DERA: variants seen among roughly 807,000 people sequenced by gnomAD.
DERA encodes 2-deoxy-D-ribose 5-phosphate aldolase.
DERA carries 15 observed loss-of-function variants against 41.1 expected under a neutral mutation model. The observed-to-expected ratio is 0.37, with a 90% confidence interval of 0.24 to 0.56. DERA has a LOEUF of 0.56. Ranked by LOEUF, DERA falls within the 20% of genes least tolerant of loss-of-function variation. DERA has a pLI of 0.81. For missense variants in DERA, 396 were observed against 403.4 expected (o/e 0.98, Z 0.16); for synonymous variants, 139 against 137.4 (o/e 1.01, Z -0.08).
intron 1 of DERA, among the ~76,000 whole-genome samples, chr12:15,912,191 T>TTTGTGTC: frequency 6.6e-6 from 1 of 152,100 alleles, no homozygotes; most frequent in East Asian, 1.9e-4. Context: ...TGTCCCTGGG[T>TTTGTGTC]ACTTAAGATT....
In DERA at chr12:15,940,311, A is replaced by C. The variant is rs1948399696; in HGVS notation, c.32-16625A>C. Among the ~76,000 whole-genome samples, 1 of 152,164 alleles carries C rather than the reference A, an allele frequency of 6.6e-6. No homozygotes were observed. Among genetic ancestry groups the C allele is most frequent in the Admixed American group, 6.5e-5 (1 of 15,270 alleles). ...ATATTTTCTAGTATTTTTGGAGCCA[A>C]CAACTTAATAACTACTGCTTTCCTT... On this transcript the variant is annotated intron_variant, in intron 1 of 8. Transcript: ENST00000428559. This position sits in a 1 kb window ranked among gnomAD's most constrained non-coding sequence, Gnocchi z 5.1.
At chr12:15,962,753 T>A in intron 4 of DERA, 60 bp from the exon 5 acceptor site, 1 of 1,390,526 alleles carries the variant, frequency 7.2e-7, no homozygotes, top group Non-Finnish European at 9.8e-7. Flanking sequence ...CTCCCCCCCT[T>A]GCTTACTTTC....
At chr12:15,973,157 G>A (rs568525446) in intron 5 of DERA, among the ~76,000 whole-genome samples, 1 of 152,194 alleles carries the variant, frequency 6.6e-6, no homozygotes, top group South Asian at 2.1e-4. Flanking sequence ...GGAGGGATGC[G>A]GGGAGACAAA....
Position 16,021,654 on chromosome 12 carries a change from T to G in DERA, c.638-10888T>G, listed in dbSNP as rs1232834774. Among the ~76,000 whole-genome samples, 2 of 152,198 alleles carry G rather than the reference T, an allele frequency of 1.3e-5. No homozygotes were observed. The highest frequency in any genetic ancestry group is 4.8e-5 in the African/African-American group (2 of 41,444). On this transcript the variant is annotated intron_variant, in intron 6 of 8. Transcript: ENST00000428559. This position sits in a 1 kb window ranked among gnomAD's most constrained non-coding sequence, Gnocchi z 5.3. ...CCACAGGGCAGAGCTTTCCAAGGAC[T>G]TAGGAGCCCACCTCTTTCACCAGTG...
Position 16,011,906 on chromosome 12 carries a change from AT to A in DERA, c.638-20628del, listed in dbSNP as rs530944259. On this transcript the variant is annotated intron_variant, in intron 6 of 8. Transcript: ENST00000428559. The surrounding 1 kb of genome is among the most constrained non-coding windows in gnomAD (Gnocchi z 4.7). Reference sequence around the variant, plus strand: ...TACTGGCCTAATTGCCATGAGTCTCATTTTTTTTCTTCTCAGCAATGCCACT... The same window carrying A: ...TACTGGCCTAATTGCCATGAGTCTCATTTTTTTCTTCTCAGCAATGCCACT... Among the ~76,000 whole-genome samples the A allele has an allele frequency of 1.3e-5, 2 of 152,064 alleles. No individual in the cohort carries two copies. The highest frequency in any genetic ancestry group is 1.9e-4 in the East Asian group (1 of 5,178).
At chr12:15,945,319 G>A (rs1206445789) in intron 1 of DERA, among the ~76,000 whole-genome samples, 1 of 152,138 alleles carries the variant, frequency 6.6e-6, no homozygotes, top group African/African-American at 2.4e-5. Flanking sequence ...ATTACCTTGG[G>A]CAGTATGGCC....
rs563651217 is a variant in DERA, at chr12:15,936,470, C to T, written c.32-20466C>T. ...TTTTACTATATGATCTGGCCCTTGC[C>T]GCCCTCTCTTTCTTTCACTCATAGA... On this transcript the variant is annotated intron_variant, in intron 1 of 8. Transcript: ENST00000428559. This position sits in a 1 kb window ranked among gnomAD's most constrained non-coding sequence, Gnocchi z 4.6. Among the ~76,000 whole-genome samples, 5 of 152,186 alleles carry T rather than the reference C, an allele frequency of 3.3e-5. No homozygotes were observed. Among genetic ancestry groups the T allele is most frequent in the East Asian group, 1.9e-4 (1 of 5,172 alleles).
rs1432397464 is a variant in DERA at position 15,967,969 on chromosome 12, G to C, written c.508+5022G>C. On this transcript the variant is annotated intron_variant, in intron 5 of 8. Coordinates refer to ENST00000428559, the MANE Select transcript of DERA (RefSeq NM_015954.4). This position sits in a 1 kb window ranked among gnomAD's most constrained non-coding sequence, Gnocchi z 4.9. Reference sequence around the variant, plus strand: ...GTGATAAAAGAATTGAGGTGTGTATGTGAGGGAGGAATAGGCTTCTAAATG... The same window carrying C: ...GTGATAAAAGAATTGAGGTGTGTATCTGAGGGAGGAATAGGCTTCTAAATG... Among the ~76,000 whole-genome samples, 1 of 152,158 alleles carries C rather than the reference G, an allele frequency of 6.6e-6. No homozygotes were observed. The highest frequency in any genetic ancestry group is 1.5e-5 in the Non-Finnish European group (1 of 68,032).
intron 1 of DERA, among the ~76,000 whole-genome samples, chr12:15,932,925 G>T (rs1364306683): frequency 6.6e-6 from 1 of 152,158 alleles, no homozygotes; most frequent in Non-Finnish European, 1.5e-5. Context: ...CACATATTAA[G>T]TGAACCCTTT....
At chr12:15,991,655 C>CAAA (rs1948802915) in intron 6 of DERA, among the ~76,000 whole-genome samples, 7 of 152,116 alleles carry the variant, frequency 4.6e-5, no homozygotes, top group Non-Finnish European at 1.0e-4. Flanking sequence ...ACAACAATGT[C>CAAA]ATAATAGCTC....
rs1742921607 is a variant in DERA at position 16,036,046 on chromosome 12, A to C, written c.751-186A>C. Among the ~76,000 whole-genome samples, 2 of 152,310 alleles carry C rather than the reference A, an allele frequency of 1.3e-5. No homozygotes were observed. The highest frequency in any genetic ancestry group is 3.4e-3 in the Middle Eastern group (1 of 294). Reference sequence around the variant, plus strand: ...AGTGACATTCTTCCAAAAATCTTGGAAAAGTTGTTTTGTAGTGTGAATGAG... The same window carrying C: ...AGTGACATTCTTCCAAAAATCTTGGCAAAGTTGTTTTGTAGTGTGAATGAG... On this transcript the variant is annotated intron_variant, in intron 7 of 8. Transcript: ENST00000428559. This position sits in a 1 kb window ranked among gnomAD's most constrained non-coding sequence, Gnocchi z 4.9.
In DERA at chr12:16,036,090, G is replaced by T. The variant is rs1161440624; in HGVS notation, c.751-142G>T. 5.6e-6 allele frequency: 4 copies of T among 711,258 alleles called. No homozygotes were observed. The East Asian group carries it at 1.3e-4, about 23-fold the overall frequency. The allele number at this position is 711,258 out of a possible 1,614,324, so 44.1% of individuals were successfully genotyped here. On this transcript the variant is annotated intron_variant, in intron 7 of 8. Transcript: ENST00000428559. The surrounding 1 kb of genome is among the most constrained non-coding windows in gnomAD (Gnocchi z 4.9). The stretch of plus-strand genomic sequence containing the variant: ...GAATGAGCATGAGTCACTGATCTAA[G>T]CCCTTTCACTGGATGAAGTGAAAAG...
intron 1 of DERA, among the ~76,000 whole-genome samples, chr12:15,930,203 A>G (rs1325475094): frequency 6.6e-6 from 1 of 152,202 alleles, no homozygotes; most frequent in African/African-American, 2.4e-5. Context: ...AATTGTGAAC[A>G]GGGGTATTTG....
chr12:15,947,289 C>G (rs775041969), intron 1 of DERA, among the ~76,000 whole-genome samples: 13 of 152,106 alleles, frequency 8.5e-5, no homozygotes, highest in Non-Finnish European at 1.3e-4. Flanking sequence ...GTTGATCTGT[C>G]TAATGTTGAC....
chr12:15,947,055 C>T (rs1025461597), intron 1 of DERA, among the ~76,000 whole-genome samples: 1 of 152,104 alleles, frequency 6.6e-6, no homozygotes, highest in African/African-American at 2.4e-5. Flanking sequence ...TTTCTTAATC[C>T]TGATTTCTAG....
rs537343726 is a variant in DERA, at chr12:15,966,405, A to G, written c.508+3458A>G. Among the ~76,000 whole-genome samples, 10 of 152,122 alleles carry G rather than the reference A, an allele frequency of 6.6e-5. No individual in the cohort carries two copies. In the South Asian group the frequency reaches 2.1e-3, roughly 32 times the overall value. On this transcript the variant is annotated intron_variant, in intron 5 of 8. Coordinates refer to ENST00000428559, the MANE Select transcript of DERA (RefSeq NM_015954.4). The surrounding 1 kb of genome is among the most constrained non-coding windows in gnomAD (Gnocchi z 5.1). Reference sequence around the variant, plus strand: ...CTTGAACCTGGGAGGCAGAGGTTGCAGGGAGCCAAGATTGCGCCACTGCAC... The same window carrying G: ...CTTGAACCTGGGAGGCAGAGGTTGCGGGGAGCCAAGATTGCGCCACTGCAC...
Position 16,007,380 on chromosome 12 carries a change from C to T in DERA, c.637+24944C>T, listed in dbSNP as rs555231452. On this transcript the variant is annotated intron_variant, in intron 6 of 8. Transcript: ENST00000428559. ...TGTATTTTTAGTTGAAATGGTGTTT[C>T]ACCATGTTGGCCAGGCTGGTCTTGA... 1.1e-4 allele frequency among the ~76,000 whole-genome samples: 16 copies of T among 152,220 alleles called. No homozygotes were observed. In the East Asian group the frequency reaches 1.9e-3, roughly 18 times the overall value.
At chr12:16,030,394 T>C (rs536177664) in intron 6 of DERA, among the ~76,000 whole-genome samples, 261 of 152,350 alleles carry the variant, frequency 1.7e-3, no homozygotes, top group African/African-American at 5.9e-3. Context: ...GATGTTTCCC[T>C]CACCTTCTTA....
At chr12:15,986,620 G>T (rs1469775038) in intron 6 of DERA, among the ~76,000 whole-genome samples, 2 of 152,014 alleles carry the variant, frequency 1.3e-5, no homozygotes, top group Non-Finnish European at 2.9e-5. Context: ...ATCCTCATTG[G>T]TTCTTTGAGT....
Sources: allele counts gnomAD v4.1 joint callset (sites outside exome capture counted in the v4.1 genomes callset), GRCh38; gene constraint gnomAD v4.1.1; non-coding constraint Gnocchi (gnomAD v3.1); transcripts MANE v1.5; gene names NCBI Gene and HGNC (gene_info 2026-07-23, HGNC 2026-07-21).